The following KCNQ5 variants were observed in gnomAD, a reference collection of about 807,000 sequenced individuals.
The protein encoded by KCNQ5 is potassium voltage-gated channel subfamily KQT member 5.
In KCNQ5, 30 loss-of-function variants were observed where a neutral mutation model predicts 98.2. The ratio of observed to expected loss-of-function variants is 0.31; its 90% CI spans 0.23 to 0.41. The LOEUF (loss-of-function observed/expected upper bound fraction) is 0.41, where lower values mean the gene tolerates loss of function less well. Among genes scored for constraint, KCNQ5 ranks in the 10% least tolerant of loss-of-function variants. KCNQ5 has a pLI of 1.00. For missense variants in KCNQ5, 835 were observed against 1,182.5 expected, an observed-to-expected ratio of 0.71 and a Z score of 4.31; for synonymous variants, 458 against 449.4, an observed-to-expected ratio of 1.02 and a Z score of -0.24.
intron 1 of KCNQ5, among the ~76,000 whole-genome samples, chr6:72,860,015 T>C (rs1386461834): frequency 2.0e-5 from 3 of 151,846 alleles, no homozygotes; most frequent in African/African-American, 7.3e-5. Flanking sequence ...AAAAAGTGAT[T>C]ATTGATCTCT....
chr6:72,753,789 A>G (rs1483542942), intron 1 of KCNQ5, among the ~76,000 whole-genome samples: 1 of 152,106 alleles, frequency 6.6e-6, no homozygotes, highest in African/African-American at 2.4e-5. Flanking sequence ...TTTGCTTTTC[A>G]TTATTGAATT....
At chr6:73,117,839 T>C (rs545720400) in intron 7 of KCNQ5, among the ~76,000 whole-genome samples, 1 of 152,314 alleles carries the variant, frequency 6.6e-6, no homozygotes, top group South Asian at 2.1e-4. Flanking sequence ...ATTGTGCAGG[T>C]ATAATATTTG....
intron 1 of KCNQ5, chr6:72,987,071 G>A (rs1419176180): frequency 4.3e-6 from 3 of 702,460 alleles, no homozygotes; most frequent in Non-Finnish European, 5.0e-6. Context: ...GCAGCCCTAG[G>A]AAAGGAAGTA....
At chr6:72,870,893 G>T (rs1303604597) in intron 1 of KCNQ5, among the ~76,000 whole-genome samples, 6 of 152,238 alleles carry the variant, frequency 3.9e-5, no homozygotes, top group African/African-American at 1.4e-4. Flanking sequence ...ATATTCACTA[G>T]AAGAGGATGA....
chr6:72,819,498 T>C (rs1488059372), intron 1 of KCNQ5, among the ~76,000 whole-genome samples: 2 of 152,232 alleles, frequency 1.3e-5, no homozygotes, highest in Non-Finnish European at 2.9e-5. Context: ...AAATCACTAT[T>C]AAAATCAGTA....
At chr6:72,710,848 C>T (rs1432195667) in intron 1 of KCNQ5, among the ~76,000 whole-genome samples, 1 of 152,130 alleles carries the variant, frequency 6.6e-6, no homozygotes, top group Non-Finnish European at 1.5e-5. Flanking sequence ...ATGGACCTAA[C>T]AGACATATAC....
At chr6:73,080,203 T>C (rs1008173693) in intron 5 of KCNQ5, among the ~76,000 whole-genome samples, 2 of 152,218 alleles carry the variant, frequency 1.3e-5, no homozygotes, top group Non-Finnish European at 2.9e-5. Context: ...TCTGTGACTT[T>C]CAGGGGAAGA....
intron 5 of KCNQ5, among the ~76,000 whole-genome samples, chr6:73,090,054 C>T (rs368598701): frequency 4.0e-4 from 60 of 151,646 alleles, no homozygotes; most frequent in African/African-American, 1.2e-3. Context: ...CCCTGTTCAC[C>T]GCATCTCCAC....
chr6:72,877,476 T>G (rs1313691684), intron 1 of KCNQ5, among the ~76,000 whole-genome samples: 1 of 152,200 alleles, frequency 6.6e-6, no homozygotes, highest in East Asian at 1.9e-4. Flanking sequence ...TGATGGGCAT[T>G]TGGGTTGGTT....
intron 3 of KCNQ5, among the ~76,000 whole-genome samples, chr6:73,075,773 G>A (rs1004485232): frequency 3.3e-5 from 5 of 152,246 alleles, no homozygotes; most frequent in African/African-American, 1.2e-4. Flanking sequence ...GCGGACACCG[G>A]TGGCTCACAC....
At chr6:73,136,140 TC>T (rs1776461139) in intron 10 of KCNQ5, 1 of 152,250 alleles carries the variant, frequency 6.6e-6, no homozygotes, top group African/African-American at 2.4e-5. Flanking sequence ...CATATCTTCA[TC>T]CCCGGCCCTG....
chr6:72,850,780 T>C (rs750364436), intron 1 of KCNQ5, among the ~76,000 whole-genome samples: 7 of 152,184 alleles, frequency 4.6e-5, no homozygotes, highest in African/African-American at 1.2e-4. Flanking sequence ...TTTATTAATA[T>C]GTATCCCTGA....
intron 5 of KCNQ5, among the ~76,000 whole-genome samples, chr6:73,087,975 CT>C (rs1314847701): frequency 2.0e-5 from 3 of 151,380 alleles, no homozygotes; most frequent in South Asian, 4.2e-4. Context: ...TATTCAGTCT[CT>C]TTTTCTCAAT....
chr6:72,751,002 G>C (rs1771650726), intron 1 of KCNQ5, among the ~76,000 whole-genome samples: 1 of 151,834 alleles, frequency 6.6e-6, no homozygotes, highest in Non-Finnish European at 1.5e-5. Context: ...GATAGAGCTG[G>C]TACTGGGATG....
At chr6:72,783,572 A>T (rs1052906763) in intron 1 of KCNQ5, among the ~76,000 whole-genome samples, 2 of 152,206 alleles carry the variant, frequency 1.3e-5, no homozygotes, top group Non-Finnish European at 2.9e-5. Flanking sequence ...ATAGGAAACA[A>T]GAGAGGCTTA....
Position 73,169,989 on chromosome 6 carries a change from A to G in KCNQ5, c.1577+135A>G, listed in dbSNP as rs1028429340. 6 of 642,850 alleles carry G rather than the reference A, an allele frequency of 9.3e-6. No individual in the cohort carries two copies. The African/African-American group carries it at 1.1e-4, about 12-fold the overall frequency. 39.8% of individuals were successfully genotyped at this position (642,850 alleles called of 1,614,324 possible). On this transcript the variant is annotated intron_variant, in intron 11 of 13. Coordinates refer to ENST00000370398, the MANE Select transcript of KCNQ5 (RefSeq NM_019842.4). The stretch of plus-strand genomic sequence containing the variant: ...CCCTTTCCTATTCATCCATATGCCT[A>G]TTGAATTGTGAAATATTTGTTTCTT...
intron 9 of KCNQ5, among the ~76,000 whole-genome samples, chr6:73,130,720 G>T (rs977854706): frequency 6.6e-6 from 1 of 152,126 alleles, no homozygotes; most frequent in African/African-American, 2.4e-5. Flanking sequence ...TAATCAAGAC[G>T]CTGTGTTGAT....
rs539269557 is a variant in KCNQ5, at chr6:72,839,597, TCTCCC to T, written c.399-164308_399-164304del. ...TTGGTTAGACTCAAACTGTGAACCA[TCTCCC>T]CTGCAGTTATTGGTAGCTCAGTTCA... On this transcript the variant is annotated intron_variant, in intron 1 of 13. Coordinates refer to ENST00000370398, the MANE Select transcript of KCNQ5 (RefSeq NM_019842.4). Among the ~76,000 whole-genome samples, 277 of 152,334 alleles carry T rather than the reference TCTCCC, an allele frequency of 1.8e-3. 5 individuals are homozygous for T. Among genetic ancestry groups the T allele is most frequent in the Admixed American group, 0.016 (252 of 15,296 alleles).
intron 1 of KCNQ5, among the ~76,000 whole-genome samples, chr6:72,663,211 T>A (rs1305674784): frequency 6.6e-6 from 1 of 152,140 alleles, no homozygotes; most frequent in East Asian, 1.9e-4. Flanking sequence ...CAAACCACCA[T>A]GGCACGTGTA....
Sources: gnomAD v4.1 joint callset for allele counts (sites outside exome capture counted in the v4.1 genomes callset) on GRCh38, gnomAD v4.1.1 for gene constraint, MANE v1.5 for transcripts, NCBI Gene and HGNC (gene_info 2026-07-23, HGNC 2026-07-21) for gene names.